The following PRKN variants were observed in gnomAD, a reference collection of about 807,000 sequenced individuals.
PRKN encodes parkin RBR E3 ubiquitin protein ligase, also known as E3 ubiquitin-protein ligase parkin.
PRKN carries 56 observed loss-of-function variants against 59.5 expected under a neutral mutation model. The observed-to-expected ratio is 0.94, with a 90% CI of 0.76 to 1.18. PRKN has a LOEUF of 1.18. Among genes scored for constraint, PRKN ranks in the 50% most tolerant of loss-of-function variants. PRKN has a pLI of 0.00. For synonymous variants in PRKN, 250 were observed against 222.1 expected (o/e 1.13, Z -1.12); for missense variants, 657 against 596.4 (o/e 1.10, Z -1.06).
rs369404858 is a variant in PRKN at position 161,497,577 on chromosome 6, T to TCTCACACACACACA, written c.1083+51276_1083+51277insTGTGTGTGTGTGAG. Among the ~76,000 whole-genome samples, 5 of 147,388 alleles carry TCTCACACACACACA rather than the reference T, an allele frequency of 3.4e-5. No individual in the cohort carries two copies. Among genetic ancestry groups the TCTCACACACACACA allele is most frequent in the African/African-American group, 1.3e-4 (5 of 39,682 alleles). On this transcript the variant is annotated intron_variant, in intron 9 of 11. Transcript: ENST00000366898. This position sits in a 1 kb window ranked among gnomAD's most constrained non-coding sequence, Gnocchi z 4.6. ...ATGTCTCTCTCTCTCTCTCTCTCTC[T>TCTCACACACACACA]CACACACACACACACACACACCATA... is the stretch of plus-strand genomic sequence containing the variant.
intron 1 of PRKN, among the ~76,000 whole-genome samples, chr6:162,591,557 G>T (rs1051316284): frequency 2.0e-5 from 3 of 151,988 alleles, no homozygotes; most frequent in Admixed American, 1.3e-4. Context: ...CATTTAAATG[G>T]ACTCATGTTC....
At chr6:162,648,671 G>A (rs9458630) in intron 1 of PRKN, among the ~76,000 whole-genome samples, 29,428 of 151,924 alleles carry the variant, frequency 0.19, 3,457 homozygotes, top group East Asian at 0.46. Context: ...CGTGAGCCAC[G>A]ACAGCCGGCC....
At chr6:162,171,465 C>T (rs1180890698) in intron 4 of PRKN, among the ~76,000 whole-genome samples, 1 of 152,096 alleles carries the variant, frequency 6.6e-6, no homozygotes, top group Non-Finnish European at 1.5e-5. Context: ...TTCTTCACCG[C>T]TCCGTTTCAG....
At chr6:162,102,818 C>T (rs929733783) in intron 4 of PRKN, among the ~76,000 whole-genome samples, 117 of 144,636 alleles carry the variant, frequency 8.1e-4, no homozygotes, top group Non-Finnish European at 4.3e-4. Flanking sequence ...CCGAGGCAGG[C>T]GGATCACGAG....
chr6:162,663,176 G>C, intron 1 of PRKN, among the ~76,000 whole-genome samples: 1 of 152,212 alleles, frequency 6.6e-6, no homozygotes, highest in African/African-American at 2.4e-5. Flanking sequence ...TTATATATCA[G>C]GGATTGCTCA....
chr6:161,997,210 T>C (rs990758893), intron 5 of PRKN, among the ~76,000 whole-genome samples: 1 of 152,118 alleles, frequency 6.6e-6, no homozygotes, highest in African/African-American at 2.4e-5. Context: ...TGTATACTCA[T>C]TAAATATAGT....
chr6:161,688,562 T>G (rs747847808), intron 7 of PRKN, among the ~76,000 whole-genome samples: 2 of 152,364 alleles, frequency 1.3e-5, no homozygotes, highest in East Asian at 3.9e-4. Flanking sequence ...TGCTCTTGTT[T>G]CCATGGGACT....
chr6:162,495,658 ATTCTCTGCCAGTGTCATCT>A (rs1445716000), intron 1 of PRKN, among the ~76,000 whole-genome samples: 1 of 152,186 alleles, frequency 6.6e-6, no homozygotes, highest in Non-Finnish European at 1.5e-5. Flanking sequence ...GCCCTTGCAG[ATTCTCTGCCAGTGTCATCT>A]TTCTTTCTCA....
chr6:161,393,046 G>A lies in PRKN; in HGVS notation c.1084-6169C>T, dbSNP rs890233808. Among the ~76,000 whole-genome samples the A allele has an allele frequency of 6.6e-5, 10 of 152,062 alleles. No homozygotes were observed. The highest frequency in any genetic ancestry group is 1.3e-4 in the Non-Finnish European group (9 of 68,024). ...TGAACCCTTTGAGGTAGAGAGACCCGGAGTCTGAGGCCTCTTGGATCATTT... is the reference window on the plus strand; with the variant it reads ...TGAACCCTTTGAGGTAGAGAGACCCAGAGTCTGAGGCCTCTTGGATCATTT... On this transcript the variant is annotated intron_variant, in intron 9 of 11. Transcript: ENST00000366898. The surrounding 1 kb of genome is among the most constrained non-coding windows in gnomAD (Gnocchi z 4.7).
At chr6:162,658,679 AAAAAAGAAAAAAG>A (rs1778758431) in intron 1 of PRKN, among the ~76,000 whole-genome samples, 3 of 102,492 alleles carry the variant, frequency 2.9e-5, no homozygotes, top group East Asian at 6.7e-4. Flanking sequence ...AAAAAGAAAA[AAAAAAGAAAAAAG>A]AAAAAGAAAA....
At chr6:161,957,409 GTTTTTTTT>G (rs1203607451) in intron 6 of PRKN, among the ~76,000 whole-genome samples, 3 of 127,394 alleles carry the variant, frequency 2.4e-5, no homozygotes, top group Non-Finnish European at 5.0e-5. Context: ...TGTTCTTGTT[GTTTTTTTT>G]TTGTTTGTTT....
intron 6 of PRKN, among the ~76,000 whole-genome samples, chr6:161,940,998 G>T (rs1427162777): frequency 6.6e-6 from 1 of 152,176 alleles, no homozygotes; most frequent in Non-Finnish European, 1.5e-5. Context: ...AATTGAAAGA[G>T]GCCATACTGA....
chr6:161,937,045 C>A (rs1779386225), intron 6 of PRKN, among the ~76,000 whole-genome samples: 1 of 152,292 alleles, frequency 6.6e-6, no homozygotes, highest in African/African-American at 2.4e-5. Flanking sequence ...CTTGGCCTCC[C>A]AAAGTGCTGG....
chr6:161,575,125 G>A lies in PRKN; in HGVS notation c.872-5709C>T, dbSNP rs1781081360. On this transcript the variant is annotated intron_variant, in intron 7 of 11. Coordinates refer to ENST00000366898, the MANE Select transcript of PRKN (RefSeq NM_004562.3). The surrounding 1 kb of genome is among the most constrained non-coding windows in gnomAD (Gnocchi z 4.6). ...TGTTTTCTAAAAATCTGAGCTCATT[G>A]GTGTTCAATGAATACCAGCTTTTTG... Among the ~76,000 whole-genome samples the A allele has an allele frequency of 6.6e-6, 1 of 151,998 alleles. No individual in the cohort carries two copies. Among genetic ancestry groups the A allele is most frequent in the African/African-American group, 2.4e-5 (1 of 41,368 alleles).
At chr6:161,568,972 T>TAA (rs3032926) in intron 8 of PRKN, among the ~76,000 whole-genome samples, 1 of 139,040 alleles carries the variant, frequency 7.2e-6, no homozygotes, top group Non-Finnish European at 1.6e-5. Flanking sequence ...AAAAACCTGG[T>TAA]AAAAAAAAAA....
rs1468164919 is a variant in PRKN, at chr6:161,592,865, T to C, written c.872-23449A>G. On this transcript the variant is annotated intron_variant, in intron 7 of 11. Transcript: ENST00000366898. This position sits in a 1 kb window ranked among gnomAD's most constrained non-coding sequence, Gnocchi z 4.8. The stretch of plus-strand genomic sequence containing the variant: ...AGGTCACCGCAGGACCTGAAGGAAA[T>C]GACTCCTGGCCAGGGGCCAGATCGT... Among the ~76,000 whole-genome samples, 1 of 152,018 alleles carries C rather than the reference T, an allele frequency of 6.6e-6. No individual in the cohort carries two copies. The highest frequency in any genetic ancestry group is 2.4e-5 in the African/African-American group (1 of 41,398).
chr6:162,603,827 G>C (rs1363373935), intron 1 of PRKN, among the ~76,000 whole-genome samples: 1 of 152,126 alleles, frequency 6.6e-6, no homozygotes, highest in Non-Finnish European at 1.5e-5. Flanking sequence ...TTCTGAAAGG[G>C]ATCCTGCGGA....
chr6:161,630,363 A>C (rs1783256231), intron 7 of PRKN, among the ~76,000 whole-genome samples: 1 of 152,172 alleles, frequency 6.6e-6, no homozygotes, highest in Non-Finnish European at 1.5e-5. Flanking sequence ...AGATGCTTTG[A>C]AGTAACTGGC....
intron 9 of PRKN, among the ~76,000 whole-genome samples, chr6:161,539,805 G>A (rs1276505226): frequency 6.6e-6 from 1 of 152,060 alleles, no homozygotes; most frequent in Non-Finnish European, 1.5e-5. Flanking sequence ...TATCTTATAT[G>A]CTCATGTGCA....
Sources: allele counts gnomAD v4.1 joint callset (sites outside exome capture counted in the v4.1 genomes callset), GRCh38; gene constraint gnomAD v4.1.1; non-coding constraint Gnocchi (gnomAD v3.1); transcripts MANE v1.5; gene names NCBI Gene and HGNC (gene_info 2026-07-23, HGNC 2026-07-21).